Variants in XDH observed in about 807,000 individuals in gnomAD.
The protein encoded by XDH is xanthine dehydrogenase.
XDH carries 138 observed loss-of-function variants against 156.1 expected under a neutral mutation model. The observed-to-expected ratio is 0.88, with a 90% CI of 0.77 to 1.02. The LOEUF (loss-of-function observed/expected upper bound fraction) is 1.02. Ranked by LOEUF, XDH falls within the 50% of genes least tolerant of loss-of-function variation. XDH has a pLI of 0.00. For synonymous variants in XDH, 669 were observed against 625.7 expected, an observed-to-expected ratio of 1.07 and a Z score of -1.03; for missense variants, 1,849 against 1,684.9, an observed-to-expected ratio of 1.10 and a Z score of -1.71.
chr2:31,401,425 T>C (rs1687055909), intron 3 of XDH, 97 bp from the exon 4 acceptor site: 1 of 1,245,080 alleles, frequency 8.0e-7, no homozygotes, highest in African/African-American at 1.5e-5. Flanking sequence ...AGGCTTTATG[T>C]TACGTCTCTC....
Position 31,368,013 on chromosome 2 carries a change from G to T in XDH, c.2145C>A (p.Ile715=). 1 of 1,614,064 alleles carries T rather than the reference G, an allele frequency of 6.2e-7. No individual in the cohort carries two copies. The highest frequency in any genetic ancestry group is 8.5e-7 in the Non-Finnish European group (1 of 1,180,002). Residue 715 remains isoleucine, a synonymous_variant, in exon 20 of 36, where the codon ATC becomes ATA. Transcript: ENST00000379416. The stretch of plus-strand genomic sequence containing the variant: ...ACCCCTTCTTTAGGTCCCCTTTCTC[G>T]ATCTTCAGCTCAGGTCCATAAAAGG... The part of the protein sequence containing the change: ...NNSFYGPELK[I]EKGDLKKGFS...
chr2:31,375,262 G>T, intron 15 of XDH, 118 bp downstream of exon 15: 2 of 1,313,806 alleles, frequency 1.5e-6, no homozygotes, highest in Non-Finnish European at 1.1e-6. Flanking sequence ...TGTGACCCTG[G>T]TCCCTGCTAT....
At position 31,387,902 on chromosome 2, in the gene XDH, G is replaced by A; in HGVS notation, c.565-5C>T. 6.3e-7 allele frequency: 1 copy of A among 1,575,098 alleles called. No homozygotes were observed. Among genetic ancestry groups the A allele is most frequent in the Non-Finnish European group, 8.6e-7 (1 of 1,160,192 alleles). On this transcript the variant is annotated splice_polypyrimidine_tract_variant and splice_region_variant and intron_variant, in intron 7 of 35. Transcript: ENST00000379416. The stretch of plus-strand genomic sequence containing the variant: ...TAAAGATGGCGAGAGGCTGACCTAT[G>A]GGGAAAGAGAACAGGTAGGTGATGC...
intron 7 of XDH, 108 bp downstream of exon 7, chr2:31,388,119 C>T (rs894947981): frequency 6.9e-6 from 9 of 1,305,884 alleles, no homozygotes; most frequent in East Asian, 2.3e-5. Context: ...ACCGACTCAC[C>T]GTAGGTTCCT....
Position 31,335,837 on chromosome 2 carries a change from T to C in XDH, c.*121A>G. 2.5e-6 allele frequency: 3 copies of C among 1,180,298 alleles called. No homozygotes were observed. The allele number at this position is 1,180,298 out of a possible 1,614,324, so 73.1% of individuals were successfully genotyped here. On this transcript the variant is annotated 3_prime_UTR_variant, in exon 36 of 36. Transcript: ENST00000379416. ...GCATTCACTTGTCTTCCAAATCCCA[T>C]CTTGACAAATCACAGGTCTGTCATT... is the stretch of plus-strand genomic sequence containing the variant.
At chr2:31,349,065 C>T in intron 26 of XDH, 85 bp from the exon 27 acceptor site, 1 of 1,356,888 alleles carries the variant, frequency 7.4e-7, no homozygotes, top group Non-Finnish European at 1.0e-6. Context: ...CAAAACAGGA[C>T]ATCCTTGGGG....
chr2:31,412,031 G>C (rs994488955), intron 1 of XDH, among the ~76,000 whole-genome samples: 1 of 152,102 alleles, frequency 6.6e-6, no homozygotes, highest in Non-Finnish European at 1.5e-5. Flanking sequence ...CTTCTTGTGG[G>C]GATCACTCCT....
chr2:31,368,563 A>G lies in XDH; in HGVS notation c.2078T>C (p.Leu693Pro), dbSNP rs781246731. Reference protein sequence around the residue: ...AQGVKITYEELPAIITIEDAI... With the variant: ...AQGVKITYEEPPAIITIEDAI... ...TACCTCAATTGTGATAATGGCTGGTAGTTCTTCATAGGTGATTTTCACCCC... is the reference window on the plus strand; with the variant it reads ...TACCTCAATTGTGATAATGGCTGGTGGTTCTTCATAGGTGATTTTCACCCC... Residue 693 changes from leucine (L) to proline (P), a missense_variant, in exon 19 of 36, where the codon CTA (leucine) becomes CCA (proline). Transcript: ENST00000379416. The G allele has an allele frequency of 1.9e-6, 3 of 1,614,034 alleles. No individual in the cohort carries two copies. The highest frequency in any genetic ancestry group is 1.7e-6 in the Non-Finnish European group (2 of 1,180,046).
intron 33 of XDH, 150 bp from the exon 34 acceptor site, chr2:31,339,827 G>T: frequency 9.6e-7 from 1 of 1,037,772 alleles, no homozygotes; most frequent in East Asian, 2.6e-5. Context: ...TCCCGCCTCA[G>T]CCCTGGGATA....
At chr2:31,381,592 C>T (rs1572549395) in intron 12 of XDH, 41 bp downstream of exon 12, 1 of 1,602,726 alleles carries the variant, frequency 6.2e-7, no homozygotes, top group East Asian at 2.2e-5. Context: ...ACTTTTCTCC[C>T]CCAAGTCCTT....
intron 33 of XDH, among the ~76,000 whole-genome samples, chr2:31,340,948 G>A (rs1685108136): frequency 6.6e-6 from 1 of 152,174 alleles, no homozygotes; most frequent in Admixed American, 6.5e-5. Flanking sequence ...GGAGGAATGA[G>A]AAGACAGAAA....
chr2:31,350,305 T>G, intron 24 of XDH, 82 bp from the exon 25 acceptor site: 1 of 1,454,952 alleles, frequency 6.9e-7, no homozygotes, highest in East Asian at 2.3e-5. Flanking sequence ...GAGGGCTGTA[T>G]CCATTGCCTG....
chr2:31,348,386 G>C (rs1481591886), intron 27 of XDH, 23 bp from the exon 28 acceptor site: 1 of 1,610,082 alleles, frequency 6.2e-7, no homozygotes, highest in South Asian at 1.1e-5. Flanking sequence ...AAGGATGCCA[G>C]ACACAAAATT....
chr2:31,342,747 A>G (rs1377827630), intron 31 of XDH, among the ~76,000 whole-genome samples: 28 of 152,178 alleles, frequency 1.8e-4, no homozygotes, highest in Admixed American at 1.8e-3. Flanking sequence ...GAGAAAGTTA[A>G]TAAGATCAGC....
chr2:31,365,428 C>T (rs1468881650), intron 23 of XDH, 29 bp downstream of exon 23: 2 of 1,613,154 alleles, frequency 1.2e-6, no homozygotes, highest in Non-Finnish European at 1.7e-6. Flanking sequence ...TGGCTCATCC[C>T]GCCCCAGCAC....
At chr2:31,380,634 C>G (rs1048243042) in intron 12 of XDH, among the ~76,000 whole-genome samples, 1 of 152,232 alleles carries the variant, frequency 6.6e-6, no homozygotes, top group South Asian at 2.1e-4. Flanking sequence ...CTGTGTGGCT[C>G]CACTGGGAGA....
At position 31,372,307 on chromosome 2, in the gene XDH, A is replaced by G. The variant is rs1686094847; in HGVS notation, c.1777T>C (p.Tyr593His). 6.2e-7 allele frequency: 1 copy of G among 1,614,228 alleles called. No individual in the cohort carries two copies. Among genetic ancestry groups the G allele is most frequent in the Non-Finnish European group, 8.5e-7 (1 of 1,180,044 alleles). Residue 593 changes from tyrosine to histidine, a missense_variant, in exon 17 of 36, where the codon TAC (tyrosine) becomes CAC (histidine). Physicochemically the swap from Tyr to His is moderately conservative, Grantham distance 83 (BLOSUM62 2). Coordinates refer to ENST00000379416, the MANE Select transcript of XDH (RefSeq NM_000379.4). ...TCGTAGCGAGGAATGTCGTCACAGT[A>G]CACGGCCTCACCAGAGGCCTGCATG... ...ADMQASGEAV[Y>H]CDDIPRYENE...
chr2:31,372,207 C>A, intron 17 of XDH, 21 bp downstream of exon 17: 1 of 1,614,178 alleles, frequency 6.2e-7, no homozygotes, highest in Non-Finnish European at 8.5e-7. Flanking sequence ...TCCACCAGCT[C>A]CTCCTGGCGG....
At chr2:31,378,051 A>G (rs933553945) in intron 13 of XDH, among the ~76,000 whole-genome samples, 1 of 117,154 alleles carries the variant, frequency 8.5e-6, no homozygotes, top group African/African-American at 3.6e-5. Context: ...AAAGAGAAAG[A>G]AAGGAAGAAA....
Sources: allele counts gnomAD v4.1 joint callset (sites outside exome capture counted in the v4.1 genomes callset), GRCh38; gene constraint gnomAD v4.1.1; transcripts MANE v1.5; gene names NCBI Gene and HGNC (gene_info 2026-07-23, HGNC 2026-07-21).